Variants in RFX7 observed in about 807,000 individuals in gnomAD.
The protein encoded by RFX7 is regulatory factor X7, also known as DNA-binding protein RFX7.
A neutral mutation model predicts 111.8 loss-of-function variants in RFX7; 26 were observed. That is an observed-to-expected ratio of 0.23 (90% confidence interval 0.17 to 0.32). The LOEUF (loss-of-function observed/expected upper bound fraction) is 0.32. Among genes scored for constraint, RFX7 ranks in the 10% least tolerant of loss-of-function variants. The pLI, the probability that RFX7 is intolerant of heterozygous loss-of-function variation, is 1.00. For synonymous variants in RFX7, 624 were observed against 624.4 expected, an observed-to-expected ratio of 1.00 and a Z score of 0.01; for missense variants, 1,573 against 1,772.9, an observed-to-expected ratio of 0.89 and a Z score of 2.02.
intron 5 of RFX7, among the ~76,000 whole-genome samples, chr15:56,121,972 T>C (rs1402261161): frequency 6.6e-6 from 1 of 152,254 alleles, no homozygotes; most frequent in African/African-American, 2.4e-5. Context: ...TTCTGAACTC[T>C]CTTTTTGAAA....
In RFX7 at chr15:56,094,977, C is replaced by T; in HGVS notation, c.2751G>A (p.Gln917=). The change falls in exon 10 of 10, where the codon CAG becomes CAA. Residue 917 remains glutamine (Q), a synonymous_variant. Coordinates refer to ENST00000559447, the MANE Select transcript of RFX7 (RefSeq NM_022841.7). ...ACATTGGAGCTCCTGGAGTTACTGA[C>T]TGACTCTGAAGGGTCATTCCCAAAC... The part of the protein sequence containing the change: ...GNCLGMTLQS[Q]SVTPGAPMSS... 6.2e-7 allele frequency: 1 copy of T among 1,609,302 alleles called. No individual in the cohort carries two copies. The highest frequency in any genetic ancestry group is 8.5e-7 in the Non-Finnish European group (1 of 1,177,700).
chr15:56,192,392 C>A, intron 2 of RFX7: 1 of 228,214 alleles, frequency 4.4e-6, no homozygotes, highest in East Asian at 1.1e-4. Context: ...TGCCAAGCTT[C>A]TTCTCTGCCA....
chr15:56,206,420 C>A (rs1487348200), intron 2 of RFX7, among the ~76,000 whole-genome samples: 3 of 151,976 alleles, frequency 2.0e-5, no homozygotes, highest in Non-Finnish European at 4.4e-5. Flanking sequence ...GGCTGGTGCA[C>A]AATCATGATG....
intron 5 of RFX7, among the ~76,000 whole-genome samples, chr15:56,125,486 T>C (rs2042130729): frequency 2.0e-5 from 3 of 152,152 alleles, no homozygotes; most frequent in Non-Finnish European, 4.4e-5. Context: ...TCTATGAGCA[T>C]GGGATGTCTT....
At chr15:56,206,441 T>C (rs1190546603) in intron 2 of RFX7, among the ~76,000 whole-genome samples, 1 of 152,094 alleles carries the variant, frequency 6.6e-6, no homozygotes, top group African/African-American at 2.4e-5. Context: ...GAGAATAGTT[T>C]GGAGGCTCCT....
chr15:56,229,799 G>T (rs1367780357), intron 2 of RFX7, among the ~76,000 whole-genome samples: 2 of 152,118 alleles, frequency 1.3e-5, no homozygotes, highest in Non-Finnish European at 2.9e-5. Flanking sequence ...AAAGCTGAAA[G>T]GGTCTTTAAA....
At chr15:56,231,518 C>A (rs1458431711) in intron 2 of RFX7, among the ~76,000 whole-genome samples, 3 of 152,236 alleles carry the variant, frequency 2.0e-5, no homozygotes, top group South Asian at 2.1e-4. Context: ...GGAAAATCGT[C>A]CCATGATTCA....
intron 2 of RFX7, among the ~76,000 whole-genome samples, chr15:56,223,796 CTGTTT>C (rs1486682983): frequency 3.9e-5 from 6 of 152,212 alleles, no homozygotes; most frequent in East Asian, 1.9e-4. Flanking sequence ...ATACTTTCGA[CTGTTT>C]TGTTTTGTTT....
intron 5 of RFX7, among the ~76,000 whole-genome samples, chr15:56,111,186 G>T (rs1364058340): frequency 7.0e-6 from 1 of 142,596 alleles, no homozygotes; most frequent in African/African-American, 2.5e-5. Flanking sequence ...GATGACAATG[G>T]CGGTTTTGTG....
intron 3 of RFX7, among the ~76,000 whole-genome samples, chr15:56,170,593 A>C (rs1307373579): frequency 6.6e-6 from 1 of 152,148 alleles, no homozygotes; most frequent in East Asian, 1.9e-4. Flanking sequence ...TCTGGTTGAG[A>C]AGCACTGTTC....
At chr15:56,105,941 T>G (rs1439702446) in intron 5 of RFX7, among the ~76,000 whole-genome samples, 3 of 152,184 alleles carry the variant, frequency 2.0e-5, no homozygotes, top group Non-Finnish European at 4.4e-5. Flanking sequence ...GATTAGTAAT[T>G]GCTATACATT....
intron 5 of RFX7, among the ~76,000 whole-genome samples, chr15:56,135,987 G>A (rs1282423009): frequency 2.0e-5 from 3 of 152,014 alleles, no homozygotes; most frequent in Non-Finnish European, 4.4e-5. Flanking sequence ...CTCTGTTTTG[G>A]TACCAGTACC....
At position 56,088,622 on chromosome 15, in the gene RFX7, C is replaced by T. The variant is rs2041556710; in HGVS notation, c.*4723G>A. ...ATGATGCAATATTAATAAGTGATCC[C>T]ATCCATAAATTTATAACTTTAATTA... On this transcript the variant is annotated 3_prime_UTR_variant, in exon 10 of 10. Coordinates refer to ENST00000559447, the MANE Select transcript of RFX7 (RefSeq NM_022841.7). 1 of 152,062 alleles carries T rather than the reference C, an allele frequency of 6.6e-6. No individual in the cohort carries two copies. The highest frequency in any genetic ancestry group is 2.4e-5 in the African/African-American group (1 of 41,432). The allele number at this position is 152,062 out of a possible 1,614,324, so 9.4% of individuals were successfully genotyped here.
Position 56,095,999 on chromosome 15 carries a change from C to T in RFX7, c.1729G>A (p.Gly577Arg), listed in dbSNP as rs761227597. The stretch of plus-strand genomic sequence containing the variant: ...TCATTTGAAGGTTTCTGCAGTGCTC[C>T]GTCTGTATTACTTTTCTGCCCCAAA... ...ALLGQKSNTD[G>R]ALQKPSNEGV... The change falls in exon 10 of 10, where the codon GGA becomes AGA. Residue 577 changes from glycine to arginine, a missense_variant. Gly to Arg is a moderately radical substitution (Grantham distance 125). This residue lies in a region of RFX7 where 625 missense variants were observed against 632.2 expected (regional missense o/e 0.99). Coordinates refer to ENST00000559447, the MANE Select transcript of RFX7 (RefSeq NM_022841.7). The T allele has an allele frequency of 9.0e-5, 145 of 1,612,336 alleles. No homozygotes were observed. Among genetic ancestry groups the T allele is most frequent in the Non-Finnish European group, 1.1e-4 (135 of 1,179,428 alleles).
intron 2 of RFX7, among the ~76,000 whole-genome samples, chr15:56,187,986 T>C (rs1747358200): frequency 6.6e-6 from 1 of 152,116 alleles, no homozygotes; most frequent in South Asian, 2.1e-4. Flanking sequence ...AGACACTAAA[T>C]CCTGAATGAT....
At chr15:56,145,451 T>A (rs774697932) in intron 3 of RFX7, among the ~76,000 whole-genome samples, 2 of 152,232 alleles carry the variant, frequency 1.3e-5, no homozygotes, top group Non-Finnish European at 2.9e-5. Flanking sequence ...AAAAGTTTAA[T>A]CTTAGAATCC....
intron 2 of RFX7, among the ~76,000 whole-genome samples, chr15:56,196,706 T>A (rs1204642423): frequency 6.6e-6 from 1 of 152,082 alleles, no homozygotes; most frequent in African/African-American, 2.4e-5. Context: ...TAAAATAAAA[T>A]AAATTTCTAT....
At chr15:56,115,453 G>A (rs1288350396) in intron 5 of RFX7, among the ~76,000 whole-genome samples, 1 of 152,146 alleles carries the variant, frequency 6.6e-6, no homozygotes, top group African/African-American at 2.4e-5. Flanking sequence ...GGAAACTGGG[G>A]CTGTCTGCTT....
chr15:56,191,851 C>T (rs1189488530), intron 2 of RFX7, among the ~76,000 whole-genome samples: 1 of 152,060 alleles, frequency 6.6e-6, no homozygotes, highest in East Asian at 1.9e-4. Context: ...ATGTTGTGCC[C>T]AGAAGGTAGG....
Sources: gnomAD v4.1 joint callset for allele counts (sites outside exome capture counted in the v4.1 genomes callset) on GRCh38, gnomAD v4.1.1 for gene constraint, gnomAD v4.1.1 regional missense constraint, MANE v1.5 for transcripts, NCBI Gene and HGNC (gene_info 2026-07-23, HGNC 2026-07-21) for gene names.